DAB1: variants seen among roughly 807,000 people sequenced by gnomAD.
DAB1 encodes the protein disabled homolog 1.
In DAB1, 15 loss-of-function variants were observed where a neutral mutation model predicts 64.6. The observed-to-expected ratio is 0.23, with a 90% CI of 0.16 to 0.36. DAB1 has a LOEUF of 0.36. Among genes scored for constraint, DAB1 ranks in the 10% least tolerant of loss-of-function variants. The pLI is 1.00. For synonymous variants in DAB1, 235 were observed against 251.9 expected (o/e 0.93, Z 0.64); for missense variants, 596 against 706.7 (o/e 0.84, Z 1.78).
intron 3 of DAB1, among the ~76,000 whole-genome samples, chr1:58,497,374 A>G (rs1025677908): frequency 3.7e-4 from 57 of 152,296 alleles, no homozygotes; most frequent in Non-Finnish European, 1.3e-4. Flanking sequence ...TGTAGACAGA[A>G]TATTTAATTT....
chr1:58,339,153 T>C (rs572729234), intron 4 of DAB1, among the ~76,000 whole-genome samples: 6 of 152,346 alleles, frequency 3.9e-5, no homozygotes, highest in Admixed American at 1.3e-4. Flanking sequence ...TTTTATGCTA[T>C]ATGAATTCTA....
At chr1:57,345,249 T>A (rs1677985022) in intron 1 of DAB1, among the ~76,000 whole-genome samples, 1 of 152,160 alleles carries the variant, frequency 6.6e-6, no homozygotes, top group African/African-American at 2.4e-5. Flanking sequence ...ACAGGCCAGG[T>A]GAGCCTGCGC....
chr1:57,265,621 C>T (rs1237608578), intron 2 of DAB1, among the ~76,000 whole-genome samples: 1 of 152,084 alleles, frequency 6.6e-6, no homozygotes, highest in African/African-American at 2.4e-5. Context: ...CATTCCCAGG[C>T]AAGGGGTTTG....
At chr1:58,530,917 C>G (rs1042399182) in intron 1 of DAB1, among the ~76,000 whole-genome samples, 2 of 152,080 alleles carry the variant, frequency 1.3e-5, no homozygotes. Context: ...ACTTATATAC[C>G]TATTCATTCA....
intron 3 of DAB1, among the ~76,000 whole-genome samples, chr1:58,447,785 A>G (rs946860031): frequency 6.6e-6 from 1 of 151,994 alleles, no homozygotes; most frequent in African/African-American, 2.4e-5. Flanking sequence ...ATGGTAAGAT[A>G]GGTATTCTAA....
At chr1:58,359,616 C>A (rs1008352085) in intron 3 of DAB1, among the ~76,000 whole-genome samples, 2 of 151,510 alleles carry the variant, frequency 1.3e-5, no homozygotes, top group Non-Finnish European at 2.9e-5. Context: ...CCTGGCTCTG[C>A]ATGCTTCAGT....
At chr1:57,587,355 T>G (rs1290479428) in intron 7 of DAB1, among the ~76,000 whole-genome samples, 1 of 152,152 alleles carries the variant, frequency 6.6e-6, no homozygotes, top group Admixed American at 6.5e-5. Context: ...TAGAGGGTTT[T>G]CAAAGCTCTT....
At chr1:58,372,711 G>A (rs1644277189) in intron 3 of DAB1, among the ~76,000 whole-genome samples, 1 of 152,296 alleles carries the variant, frequency 6.6e-6, no homozygotes, top group South Asian at 2.1e-4. Flanking sequence ...ATTGCATCAT[G>A]AGGGTGGTTT....
intron 4 of DAB1, among the ~76,000 whole-genome samples, chr1:58,231,092 G>A (rs1199035637): frequency 6.6e-6 from 1 of 152,188 alleles, no homozygotes; most frequent in African/African-American, 2.4e-5. Context: ...CAAATGTAAA[G>A]TACTTAAAAG....
At chr1:58,497,151 A>C (rs1354515972) in intron 3 of DAB1, among the ~76,000 whole-genome samples, 2 of 152,232 alleles carry the variant, frequency 1.3e-5, no homozygotes, top group Non-Finnish European at 2.9e-5. Context: ...ACCACGAAGA[A>C]GCAATCAAGT....
chr1:58,077,330 C>T (rs114547827), intron 5 of DAB1, among the ~76,000 whole-genome samples: 2,895 of 152,212 alleles, frequency 0.019, 32 homozygotes, highest in Middle Eastern at 0.044. Flanking sequence ...TCCAGCTTTC[C>T]CCTGCATGGC....
intron 9 of DAB1, among the ~76,000 whole-genome samples, chr1:57,048,094 T>C (rs1014316208): frequency 6.6e-6 from 1 of 152,212 alleles, no homozygotes; most frequent in Non-Finnish European, 1.5e-5. Context: ...CCACAGTCAT[T>C]ATCCTCATTT....
intron 7 of DAB1, among the ~76,000 whole-genome samples, chr1:57,623,451 T>G (rs1645886012): frequency 6.6e-6 from 1 of 152,080 alleles, no homozygotes; most frequent in Non-Finnish European, 1.5e-5. Context: ...CAATTAAGGG[T>G]CTTGTAATAA....
chr1:57,365,548 A>G (rs1030542791), intron 1 of DAB1, among the ~76,000 whole-genome samples: 2 of 151,864 alleles, frequency 1.3e-5, no homozygotes, highest in African/African-American at 4.8e-5. Context: ...AACCAAATAC[A>G]TAATACAACA....
At chr1:57,207,475 G>A (rs1216699637) in intron 2 of DAB1, among the ~76,000 whole-genome samples, 1 of 52,162 alleles carries the variant, frequency 1.9e-5, no homozygotes, top group Non-Finnish European at 4.5e-5. Context: ...ATGGAGTCTC[G>A]CTCTGTCGCC....
intron 3 of DAB1, among the ~76,000 whole-genome samples, chr1:58,433,582 AGAGAGAGAGAGAGAGTGT>A (rs1557758881): frequency 1.6e-5 from 2 of 128,644 alleles, no homozygotes; most frequent in African/African-American, 6.7e-5. Context: ...AGAGAGAGAG[AGAGAGAGAGAGAGAGTGT>A]GTGTGTGTGT....
chr1:57,834,472 T>C lies in DAB1; in HGVS notation n.88-8017A>G, dbSNP rs112681021. ...GAACATTTCATTAGTACCTACCATGTACCAGGCACTAGGTTATGTATACCA... is the reference window on the plus strand; with the variant it reads ...GAACATTTCATTAGTACCTACCATGCACCAGGCACTAGGTTATGTATACCA... On this transcript the variant is annotated intron_variant and non_coding_transcript_variant, in intron 1 of 1. Transcript: ENST00000477280. Among the ~76,000 whole-genome samples the C allele has an allele frequency of 3.1e-3, 467 of 152,286 alleles. 8 individuals carry two copies. Among genetic ancestry groups the C allele is most frequent in the African/African-American group, 0.01 (436 of 41,562 alleles).
chr1:57,357,619 C>G (rs185158289), intron 1 of DAB1, among the ~76,000 whole-genome samples: 1 of 148,626 alleles, frequency 6.7e-6, no homozygotes, highest in African/African-American at 2.5e-5. Context: ...CATGCTGCTA[C>G]GAAGAAATAC....
intron 4 of DAB1, among the ~76,000 whole-genome samples, chr1:57,077,335 G>A (rs938241593): frequency 5.3e-5 from 8 of 152,162 alleles, no homozygotes; most frequent in Admixed American, 1.3e-4. Context: ...TCTTACCCCC[G>A]CTCCTAATAC....
Sources: gnomAD v4.1 joint callset for allele counts (sites outside exome capture counted in the v4.1 genomes callset) on GRCh38, gnomAD v4.1.1 for gene constraint, MANE v1.5 for transcripts, NCBI Gene and HGNC (gene_info 2026-07-23, HGNC 2026-07-21) for gene names.